Variants in AGTPBP1 observed in about 807,000 individuals in gnomAD.
The protein encoded by AGTPBP1 is ATP/GTP binding carboxypeptidase 1.
Under a neutral mutation model 143.9 loss-of-function variants are expected in AGTPBP1, and 70 were observed. That is an observed-to-expected ratio of 0.49 (90% CI 0.40 to 0.59). The LOEUF (loss-of-function observed/expected upper bound fraction) is 0.59. Ranked by LOEUF, AGTPBP1 falls within the 20% of genes least tolerant of loss-of-function variation. The pLI is 0.00. For synonymous variants in AGTPBP1, 463 were observed against 500.2 expected (o/e 0.93, Z 0.99); for missense variants, 1,229 against 1,464.5 (o/e 0.84, Z 2.62).
At chr9:85,579,370 C>A (rs1828096519) in intron 23 of AGTPBP1, among the ~76,000 whole-genome samples, 1 of 152,048 alleles carries the variant, frequency 6.6e-6, no homozygotes, top group East Asian at 1.9e-4. Context: ...TTTGAGAAAA[C>A]CATGTCTAAA....
chr9:85,743,116 C>T (rs1588022480), upstream of AGTPBP1, among the ~76,000 whole-genome samples: 1 of 152,146 alleles, frequency 6.6e-6, no homozygotes, highest in East Asian at 1.9e-4. Flanking sequence ...AATTTTGAAA[C>T]AACCACCACC....
rs768981160 is a variant in AGTPBP1 at position 85,741,911 on chromosome 9, C to A, written c.-170G>T. The A allele has an allele frequency of 2.3e-6, 3 of 1,329,114 alleles. No homozygotes were observed. In the South Asian group the frequency reaches 5.9e-5, roughly 26 times the overall value. The allele number at this position is 1,329,114 out of a possible 1,614,324, so 82.3% of individuals were successfully genotyped here. A position where few individuals can be genotyped will look rare whatever the true frequency, so the allele number is the denominator to read the frequency against. On this transcript the variant is annotated 5_prime_UTR_variant, in exon 1 of 26. Transcript: ENST00000357081. Reference sequence around the variant, plus strand: ...CCGGTGGCAGGCGAGGCGGAGGCGGCGGCGGCGGCAGCTGCGGCGGCGGCG... The same window carrying A: ...CCGGTGGCAGGCGAGGCGGAGGCGGAGGCGGCGGCAGCTGCGGCGGCGGCG...
intron 14 of AGTPBP1, among the ~76,000 whole-genome samples, chr9:85,630,391 C>CTTACTTATTTATTTATTTAT (rs777830669): frequency 6.1e-4 from 92 of 151,486 alleles, no homozygotes; most frequent in South Asian, 8.3e-4. Context: ...TACTTACTTA[C>CTTACTTATTTATTTATTTAT]TTATTTATTT....
chr9:85,647,002 G>A (rs1832853684), intron 11 of AGTPBP1, among the ~76,000 whole-genome samples: 1 of 152,148 alleles, frequency 6.6e-6, no homozygotes. Flanking sequence ...ATGAGGTCAG[G>A]CGCAGTGGCT....
At chr9:85,547,578 T>G (rs1365599800) in intron 25 of AGTPBP1, among the ~76,000 whole-genome samples, 2 of 152,220 alleles carry the variant, frequency 1.3e-5, no homozygotes, top group African/African-American at 4.8e-5. Context: ...GTTATTTCTT[T>G]GAATGATTTC....
the AGTPBP1 span, among the ~76,000 whole-genome samples, chr9:85,766,589 G>A: frequency 9.9e-5 from 15 of 152,132 alleles, no homozygotes; most frequent in South Asian, 2.3e-3. Context: ...CCTATTTTGC[G>A]GCTATTCTGG....
At chr9:85,671,038 C>T (rs538781762) in intron 7 of AGTPBP1, among the ~76,000 whole-genome samples, 1 of 152,088 alleles carries the variant, frequency 6.6e-6, no homozygotes, top group Non-Finnish European at 1.5e-5. Context: ...ACCTCCTGGG[C>T]TCAAGAAATC....
At chr9:85,704,983 A>C (rs1391738808) in intron 2 of AGTPBP1, among the ~76,000 whole-genome samples, 1 of 152,176 alleles carries the variant, frequency 6.6e-6, no homozygotes, top group Non-Finnish European at 1.5e-5. Flanking sequence ...AGGACACGCA[A>C]TAAAAAGTAT....
At chr9:85,742,360 C>A (rs922497076), upstream of AGTPBP1, among the ~76,000 whole-genome samples, 2 of 152,028 alleles carry the variant, frequency 1.3e-5, no homozygotes, top group East Asian at 1.9e-4. Context: ...GCGCCCACCC[C>A]CTCCCCCGCC....
At chr9:85,691,434 A>C (rs1835865119) in intron 3 of AGTPBP1, among the ~76,000 whole-genome samples, 1 of 152,094 alleles carries the variant, frequency 6.6e-6, no homozygotes, top group Admixed American at 6.6e-5. Context: ...AAATTAAATA[A>C]AGATTATAAT....
intron 25 of AGTPBP1, among the ~76,000 whole-genome samples, chr9:85,565,027 C>T (rs1728613436): frequency 6.6e-6 from 1 of 152,114 alleles, no homozygotes; most frequent in African/African-American, 2.4e-5. Flanking sequence ...CACCAAACAC[C>T]AAATCAGCCA....
In AGTPBP1 at chr9:85,646,304, C is replaced by A; in HGVS notation, c.1185+17G>T. The A allele has an allele frequency of 6.3e-7, 1 of 1,589,466 alleles. No homozygotes were observed. The highest frequency in any genetic ancestry group is 8.6e-7 in the Non-Finnish European group (1 of 1,160,290). Reference sequence around the variant, plus strand: ...TATCATTTATAAAGCTAACTAATTACAGAAATTTATACTAACCTTAAAATT... The same window carrying A: ...TATCATTTATAAAGCTAACTAATTAAAGAAATTTATACTAACCTTAAAATT... On this transcript the variant is annotated intron_variant, in intron 12 of 25. Coordinates refer to ENST00000357081, the MANE Select transcript of AGTPBP1 (RefSeq NM_001330701.2).
At chr9:85,603,408 G>C (rs1829792767) in intron 17 of AGTPBP1, among the ~76,000 whole-genome samples, 1 of 152,030 alleles carries the variant, frequency 6.6e-6, no homozygotes, top group African/African-American at 2.4e-5. Context: ...AACACACCCT[G>C]GGCCAGAAGA....
At chr9:85,599,524 T>A (rs574008912) in intron 17 of AGTPBP1, among the ~76,000 whole-genome samples, 1 of 152,318 alleles carries the variant, frequency 6.6e-6, no homozygotes, top group South Asian at 2.1e-4. Context: ...TAACACTATA[T>A]TAAATGAACT....
chr9:85,732,899 A>G (rs1320322321), intron 1 of AGTPBP1, among the ~76,000 whole-genome samples: 2 of 152,180 alleles, frequency 1.3e-5, no homozygotes, highest in Non-Finnish European at 2.9e-5. Flanking sequence ...ATTATATATT[A>G]ATAAAAAGTT....
chr9:85,659,648 T>C (rs1449006015), intron 9 of AGTPBP1, among the ~76,000 whole-genome samples: 1 of 152,172 alleles, frequency 6.6e-6, no homozygotes, highest in African/African-American at 2.4e-5. Context: ...TATAAAATAC[T>C]TGCAACTTAT....
At chr9:85,751,792 A>C in the AGTPBP1 span, among the ~76,000 whole-genome samples, 2 of 151,834 alleles carry the variant, frequency 1.3e-5, no homozygotes, top group African/African-American at 4.8e-5. Flanking sequence ...TTTTTAGTAG[A>C]GACGGGGTTT....
intron 1 of AGTPBP1, among the ~76,000 whole-genome samples, chr9:85,737,509 T>C (rs1207343303): frequency 6.6e-6 from 1 of 152,230 alleles, no homozygotes; most frequent in Non-Finnish European, 1.5e-5. Flanking sequence ...TATCCACCAT[T>C]GTCATGTCAA....
At chr9:85,626,661 A>G (rs904414411) in intron 14 of AGTPBP1, among the ~76,000 whole-genome samples, 3 of 150,274 alleles carry the variant, frequency 2.0e-5, no homozygotes, top group East Asian at 2.1e-4. Context: ...AAGCCTTCAG[A>G]GTGGCTACAG....
Sources: allele counts gnomAD v4.1 joint callset (sites outside exome capture counted in the v4.1 genomes callset), GRCh38; gene constraint gnomAD v4.1.1; transcripts MANE v1.5; gene names NCBI Gene and HGNC (gene_info 2026-07-23, HGNC 2026-07-21).